MAN2B2: variants seen among roughly 807,000 people sequenced by gnomAD.
MAN2B2 encodes mannosidase alpha class 2B member 2.
Under a neutral mutation model 117.1 loss-of-function variants are expected in MAN2B2, and 106 were observed. The observed-to-expected ratio is 0.90, with a 90% CI of 0.77 to 1.06. MAN2B2 has a LOEUF of 1.06. Among genes scored for constraint, MAN2B2 ranks in the 50% least tolerant of loss-of-function variants. The pLI, the probability that MAN2B2 is intolerant of heterozygous loss-of-function variation, is 0.00. For synonymous variants in MAN2B2, 544 were observed against 595.1 expected (o/e 0.91, Z 1.25); for missense variants, 1,326 against 1,381.4 (o/e 0.96, Z 0.64).
chr4:6,608,985 C>A, intron 11 of MAN2B2, 122 bp from the exon 12 acceptor site: 1 of 830,254 alleles, frequency 1.2e-6, no homozygotes, highest in Non-Finnish European at 1.9e-6. Flanking sequence ...AGCTGAGTCA[C>A]ATGGCCTCGT....
intron 17 of MAN2B2, 180 bp downstream of exon 17, chr4:6,617,672 G>GT (rs1560103617): frequency 1.7e-6 from 2 of 1,189,728 alleles, no homozygotes; most frequent in Non-Finnish European, 2.3e-6. Context: ...AACTGGCCTG[G>GT]TTTTTTAGGG....
chr4:6,617,727 C>G (rs934209975), intron 17 of MAN2B2: 1 of 640,040 alleles, frequency 1.6e-6, no homozygotes, highest in Non-Finnish European at 2.4e-6. Flanking sequence ...GTTGCCCAGT[C>G]TGGGGTGCAG....
At chr4:6,606,085 C>T (rs887233980) in intron 11 of MAN2B2, among the ~76,000 whole-genome samples, 1 of 152,176 alleles carries the variant, frequency 6.6e-6, no homozygotes, top group Non-Finnish European at 1.5e-5. Context: ...CACCTTGTCT[C>T]CTGATGTGAC....
Position 6,621,202 on chromosome 4 carries a change from C to T in MAN2B2, c.2947C>T (p.Pro983Ser), listed in dbSNP as rs746878053. ...TGTTCCCCTAGGTGACACCACCTCT[C>T]CCTCGAGGCCACCAGGAGGCCCCAT... ...PGRHRGDTTS[P>S]SRPPGGPIIT... The change falls in exon 19 of 19, where the codon CCC becomes TCC. Residue 983 changes from proline to serine, a missense_variant. Physicochemically the swap from Pro to Ser is moderately conservative, Grantham distance 74. Transcript: ENST00000285599. The T allele has an allele frequency of 5.6e-6, 9 of 1,613,888 alleles. No homozygotes were observed. In the Admixed American group the frequency reaches 1.5e-4, roughly 27 times the overall value.
chr4:6,611,874 A>C (rs549832630), intron 15 of MAN2B2, among the ~76,000 whole-genome samples: 7 of 152,260 alleles, frequency 4.6e-5, no homozygotes, highest in Non-Finnish European at 7.4e-5. Context: ...CTATAGTCTA[A>C]CCTAAAGGAC....
At chr4:6,595,167 C>G (rs1727029401) in intron 7 of MAN2B2, among the ~76,000 whole-genome samples, 1 of 152,238 alleles carries the variant, frequency 6.6e-6, no homozygotes, top group Non-Finnish European at 1.5e-5. Context: ...CCTGTGTCCT[C>G]AGGCCAGAAC....
intron 11 of MAN2B2, among the ~76,000 whole-genome samples, chr4:6,607,725 T>A (rs1400437581): frequency 2.6e-5 from 4 of 152,242 alleles, no homozygotes; most frequent in Non-Finnish European, 5.9e-5. Flanking sequence ...ACATACATTT[T>A]CGTTTCTCCT....
At chr4:6,579,702 C>T (rs997961569) in intron 3 of MAN2B2, among the ~76,000 whole-genome samples, 38 of 152,162 alleles carry the variant, frequency 2.5e-4, no homozygotes, top group Non-Finnish European at 5.1e-4. Flanking sequence ...CCACCACCAT[C>T]ACCACATCCA....
At chr4:6,615,988 G>T (rs1379905721) in intron 16 of MAN2B2, among the ~76,000 whole-genome samples, 1 of 152,104 alleles carries the variant, frequency 6.6e-6, no homozygotes, top group Non-Finnish European at 1.5e-5. Context: ...ATTTTTAATA[G>T]AGACAGGGTT....
At chr4:6,591,791 C>T (rs534884574) in intron 5 of MAN2B2, among the ~76,000 whole-genome samples, 2 of 152,078 alleles carry the variant, frequency 1.3e-5, no homozygotes, top group Non-Finnish European at 2.9e-5. Context: ...CAGGACCCCC[C>T]GGGGGCAGAG....
chr4:6,612,249 G>A (rs914986810), intron 15 of MAN2B2, among the ~76,000 whole-genome samples: 14 of 152,170 alleles, frequency 9.2e-5, no homozygotes, highest in African/African-American at 2.9e-4. Context: ...AGAGCAGCCC[G>A]GACCCAGGAG....
Position 6,579,322 on chromosome 4 carries a change from C to CCACCACCACCACCAT in MAN2B2, c.391+838_391+839insTCACCACCACCACCA, listed in dbSNP as rs1560635075. ...ACCATCACCACCACCACCACCATCA[C>CCACCACCACCACCAT]CACCACCACCACCACCACCATCACC... is the stretch of plus-strand genomic sequence containing the variant. On this transcript the variant is annotated intron_variant, in intron 3 of 18. Transcript: ENST00000285599. Among the ~76,000 whole-genome samples the CCACCACCACCACCAT allele has an allele frequency of 6.9e-5, 4 of 57,618 alleles. 1 individual carries two copies. The highest frequency in any genetic ancestry group is 2.4e-4 in the African/African-American group (4 of 16,472). 37.8% of individuals were successfully genotyped at this position (57,618 alleles called of 152,430 possible).
intron 13 of MAN2B2, 107 bp downstream of exon 13, chr4:6,610,157 G>GA: frequency 6.8e-7 from 1 of 1,471,424 alleles, no homozygotes; most frequent in Non-Finnish European, 9.1e-7. Flanking sequence ...CAGTGAGAAT[G>GA]TTTTTTTCCT....
chr4:6,589,063 C>G lies in MAN2B2; in HGVS notation c.583C>G (p.Arg195Gly), dbSNP rs767373380. ...QEARGLQFVWRGSPSLSERQE... is the reference protein window; with the variant it reads ...QEARGLQFVWGGSPSLSERQE... ...TTTGCAGGGGCTGCAGTTCGTGTGG[C>G]GAGGGTCCCCATCCCTCTCAGAGCG... is the stretch of plus-strand genomic sequence containing the variant. Residue 195 changes from arginine (R) to glycine (G), a missense_variant, in exon 5 of 19, where the codon CGA (arginine) becomes GGA (glycine). Transcript: ENST00000285599. 2 of 1,613,938 alleles carry G rather than the reference C, an allele frequency of 1.2e-6. No individual in the cohort carries two copies. The highest frequency in any genetic ancestry group is 2.2e-5 in the South Asian group (2 of 91,064).
chr4:6,576,221 T>C (rs1023831091), intron 1 of MAN2B2, among the ~76,000 whole-genome samples: 1 of 152,164 alleles, frequency 6.6e-6, no homozygotes, highest in Non-Finnish European at 1.5e-5. Flanking sequence ...GGCCTAAGAC[T>C]TTCCTGTGCT....
chr4:6,590,554 C>A (rs879322803), intron 5 of MAN2B2, among the ~76,000 whole-genome samples: 1 of 152,216 alleles, frequency 6.6e-6, no homozygotes, highest in Non-Finnish European at 1.5e-5. Context: ...CACCCCATCC[C>A]GTCCACGGTC....
chr4:6,616,823 T>G (rs780481693), intron 16 of MAN2B2, among the ~76,000 whole-genome samples: 7 of 152,184 alleles, frequency 4.6e-5, no homozygotes, highest in Non-Finnish European at 8.8e-5. Flanking sequence ...ACCAGCTGTA[T>G]GCCTTGGGCA....
chr4:6,621,159 C>T (rs1333439388), intron 18 of MAN2B2, 29 bp from the exon 19 acceptor site: 2 of 1,569,138 alleles, frequency 1.3e-6, no homozygotes, highest in South Asian at 1.1e-5. Flanking sequence ...TCCCAGGCCA[C>T]ACTGGACAGA....
intron 5 of MAN2B2, among the ~76,000 whole-genome samples, chr4:6,590,268 C>T (rs1193204980): frequency 6.6e-6 from 1 of 151,920 alleles, no homozygotes; most frequent in African/African-American, 2.4e-5. Context: ...CCCTGTAATC[C>T]CAACTACTTG....
Sources: allele counts gnomAD v4.1 joint callset (sites outside exome capture counted in the v4.1 genomes callset), GRCh38; gene constraint gnomAD v4.1.1; transcripts MANE v1.5; gene names NCBI Gene and HGNC (gene_info 2026-07-23, HGNC 2026-07-21).